Variants in TAOK1 observed in about 807,000 individuals in gnomAD.
TAOK1 encodes the protein TAO kinase 1.
Under a neutral mutation model 138.3 loss-of-function variants are expected in TAOK1, and 21 were observed. The ratio of observed to expected loss-of-function variants is 0.15; its 90% CI spans 0.11 to 0.22. The LOEUF (loss-of-function observed/expected upper bound fraction) is 0.22, where lower values mean the gene tolerates loss of function less well. Among genes scored for constraint, TAOK1 ranks in the 10% least tolerant of loss-of-function variants. The pLI, the probability that TAOK1 is intolerant of heterozygous loss-of-function variation, is 1.00. For missense variants in TAOK1, 651 were observed against 1,227.7 expected (o/e 0.53, Z 7.02); for synonymous variants, 361 against 398.4 (o/e 0.91, Z 1.12).
At chr17:29,407,274 A>G (rs554051629) in intron 1 of TAOK1, among the ~76,000 whole-genome samples, 1 of 152,034 alleles carries the variant, frequency 6.6e-6, no homozygotes, top group African/African-American at 2.4e-5. Flanking sequence ...GGCATGAGAC[A>G]CCATGTCTGA....
At chr17:29,406,560 C>G (rs1904997964) in intron 1 of TAOK1, among the ~76,000 whole-genome samples, 1 of 152,064 alleles carries the variant, frequency 6.6e-6, no homozygotes, top group African/African-American at 2.4e-5. Flanking sequence ...CTGGATCTCA[C>G]TGTTTTGCCC....
At chr17:29,412,423 CTCT>C (rs1905168985) in intron 1 of TAOK1, among the ~76,000 whole-genome samples, 1 of 77,434 alleles carries the variant, frequency 1.3e-5, no homozygotes, top group Non-Finnish European at 2.4e-5. Context: ...TTGGTCTCAT[CTCT>C]TCTTTTTCTC....
At chr17:29,459,736 C>T (rs186917188) in intron 2 of TAOK1, among the ~76,000 whole-genome samples, 1 of 152,258 alleles carries the variant, frequency 6.6e-6, no homozygotes, top group Admixed American at 6.5e-5. Context: ...TTTGATAATA[C>T]TAATTTCCTT....
chr17:29,490,354 G>A (rs2031273742), intron 9 of TAOK1, among the ~76,000 whole-genome samples: 1 of 151,946 alleles, frequency 6.6e-6, no homozygotes, highest in Non-Finnish European at 1.5e-5. Context: ...TAGAAAACTA[G>A]GATTTTTATC....
chr17:29,409,102 G>A (rs1305749007), intron 1 of TAOK1, among the ~76,000 whole-genome samples: 1 of 151,756 alleles, frequency 6.6e-6, no homozygotes, highest in Non-Finnish European at 1.5e-5. Context: ...TTTGTGTTTT[G>A]CTTCTTTCTC....
At position 29,424,218 on chromosome 17, in the gene TAOK1, C is replaced by G. The variant is rs978389562; in HGVS notation, c.-94-27237C>G. On this transcript the variant is annotated intron_variant, in intron 1 of 19. Transcript: ENST00000261716. ...TTGGGAGGCCGAGACGGGCAGATCA[C>G]AAGGGCAGGAGATCGAGACCATCCT... Among the ~76,000 whole-genome samples, 6 of 151,684 alleles carry G rather than the reference C, an allele frequency of 4.0e-5. No homozygotes were observed. The East Asian group carries it at 1.2e-3, about 29-fold the overall frequency.
chr17:29,436,510 A>G (rs1382706355), intron 1 of TAOK1, among the ~76,000 whole-genome samples: 2 of 152,208 alleles, frequency 1.3e-5, no homozygotes, highest in Non-Finnish European at 2.9e-5. Context: ...TGAAGTCTGT[A>G]TTTGAGAGCA....
intron 19 of TAOK1, among the ~76,000 whole-genome samples, chr17:29,541,806 A>G (rs545747567): frequency 1.6e-4 from 24 of 152,244 alleles, no homozygotes; most frequent in African/African-American, 5.5e-4. Flanking sequence ...ACTTGATTTT[A>G]CACATTTTAA....
At chr17:29,408,503 A>G (rs1905057156) in intron 1 of TAOK1, among the ~76,000 whole-genome samples, 1 of 152,160 alleles carries the variant, frequency 6.6e-6, no homozygotes, top group African/African-American at 2.4e-5. Flanking sequence ...GGCATGAGCC[A>G]CTGCGCCTGG....
intron 1 of TAOK1, among the ~76,000 whole-genome samples, chr17:29,426,858 T>C (rs965408724): frequency 1.3e-5 from 2 of 152,218 alleles, no homozygotes; most frequent in Non-Finnish European, 2.9e-5. Flanking sequence ...AACGCCTAAA[T>C]AACTTCTTAT....
intron 13 of TAOK1, among the ~76,000 whole-genome samples, chr17:29,503,692 A>T (rs1191286225): frequency 3.9e-5 from 6 of 152,146 alleles, no homozygotes; most frequent in Non-Finnish European, 5.9e-5. Context: ...CATAATGTAA[A>T]GGCTGGGTGT....
At chr17:29,445,153 A>G (rs1338513460) in intron 1 of TAOK1, 2 of 152,152 alleles carry the variant, frequency 1.3e-5, no homozygotes, top group Non-Finnish European at 2.9e-5. Flanking sequence ...TAGTAGGTTT[A>G]TATATTTATG....
Position 29,498,322 on chromosome 17 carries a change from A to G in TAOK1, c.1004A>G (p.Gln335Arg), listed in dbSNP as rs1312773516. 6.2e-7 allele frequency: 1 copy of G among 1,614,160 alleles called. No individual in the cohort carries two copies. Among genetic ancestry groups the G allele is most frequent in the Non-Finnish European group, 8.5e-7 (1 of 1,180,014 alleles). The change falls in exon 12 of 20, where the codon CAA (glutamine) becomes CGA (arginine). Residue 335 changes from glutamine to arginine, a missense_variant. Physicochemically the swap from Gln to Arg is conservative, Grantham distance 43 (BLOSUM62 1). This residue lies in a region of TAOK1 where 104 missense variants were observed against 151.7 expected (regional missense o/e 0.69). Transcript: ENST00000261716. ...CTGAATGTCCTTTTCTCTTAGGAAC[A>G]AGATCATGGTGTTGGCCGGACAGGA... ...AVEAQEEEEE[Q>R]DHGVGRTGTV...
chr17:29,530,200 G>C (rs1240120106), intron 17 of TAOK1, among the ~76,000 whole-genome samples: 1 of 152,082 alleles, frequency 6.6e-6, no homozygotes, highest in South Asian at 2.1e-4. Flanking sequence ...TTTTAAATGA[G>C]GTTTTTTGTT....
chr17:29,505,213 A>G (rs546114610), intron 13 of TAOK1, among the ~76,000 whole-genome samples: 3 of 152,326 alleles, frequency 2.0e-5, no homozygotes, highest in African/African-American at 7.2e-5. Flanking sequence ...AACTTAGTCT[A>G]CCGTCTCCTG....
intron 8 of TAOK1, among the ~76,000 whole-genome samples, chr17:29,484,124 G>A (rs1451643848): frequency 3.3e-5 from 5 of 152,148 alleles, no homozygotes; most frequent in African/African-American, 1.2e-4. Context: ...CCGTGAAATG[G>A]CTTCTCCTTT....
intron 18 of TAOK1, 124 bp downstream of exon 18, chr17:29,530,743 G>A: frequency 1.3e-6 from 1 of 782,162 alleles, no homozygotes; most frequent in Non-Finnish European, 2.1e-6. Flanking sequence ...GGGAAATGTG[G>A]TGGTGGTTCA....
intron 1 of TAOK1, among the ~76,000 whole-genome samples, chr17:29,428,003 G>A (rs983323294): frequency 4.6e-5 from 7 of 151,956 alleles, no homozygotes; most frequent in Admixed American, 2.0e-4. Flanking sequence ...GAAGGCTGAA[G>A]AGAGTCTAGG....
At chr17:29,492,528 C>T (rs1231534164) in intron 10 of TAOK1, among the ~76,000 whole-genome samples, 3 of 152,224 alleles carry the variant, frequency 2.0e-5, no homozygotes, top group Non-Finnish European at 4.4e-5. Flanking sequence ...CGCGGTGGCT[C>T]ACGCCTGTAA....
Sources: allele counts gnomAD v4.1 joint callset (sites outside exome capture counted in the v4.1 genomes callset), GRCh38; gene constraint gnomAD v4.1.1; regional missense constraint gnomAD v4.1.1; transcripts MANE v1.5; gene names NCBI Gene and HGNC (gene_info 2026-07-23, HGNC 2026-07-21).